Variants in AGBL3 observed in about 807,000 individuals in gnomAD.
AGBL3 encodes cytosolic carboxypeptidase 3.
AGBL3 carries 68 observed loss-of-function variants against 94.5 expected under a neutral mutation model. That is an observed-to-expected ratio of 0.72 (90% CI 0.59 to 0.88). The LOEUF (loss-of-function observed/expected upper bound fraction) is 0.88, where lower values mean the gene tolerates loss of function less well. Among genes scored for constraint, AGBL3 ranks in the 40% least tolerant of loss-of-function variants. The pLI, the probability that AGBL3 is intolerant of heterozygous loss-of-function variation, is 0.00. For missense variants in AGBL3, 934 were observed against 1,103.8 expected (o/e 0.85, Z 2.18); for synonymous variants, 354 against 370.7 (o/e 0.95, Z 0.52).
intron 5 of AGBL3, among the ~76,000 whole-genome samples, chr7:135,032,582 T>C (rs1007397380): frequency 6.6e-6 from 1 of 151,714 alleles, no homozygotes; most frequent in Admixed American, 6.6e-5. Context: ...CTTCCCAAAG[T>C]GTTAGGATTA....
intron 11 of AGBL3, among the ~76,000 whole-genome samples, chr7:135,056,182 AT>A (rs995092696): frequency 2.2e-4 from 34 of 151,980 alleles, no homozygotes; most frequent in African/African-American, 7.5e-4. Flanking sequence ...GGATTTATCT[AT>A]TTTATTGATC....
At chr7:135,013,638 T>C (rs1201635619) in intron 4 of AGBL3, among the ~76,000 whole-genome samples, 3 of 151,700 alleles carry the variant, frequency 2.0e-5, no homozygotes, top group African/African-American at 7.3e-5. Flanking sequence ...TCCACTGTAT[T>C]TGATTAAGTC....
chr7:134,996,448 C>T (rs1385183727), intron 4 of AGBL3, among the ~76,000 whole-genome samples: 2 of 151,872 alleles, frequency 1.3e-5, no homozygotes, highest in Non-Finnish European at 2.9e-5. Context: ...ATTAATCTTA[C>T]TGTTCTTATC....
chr7:135,115,777 G>A (rs1016010027), intron 16 of AGBL3, 166 bp downstream of exon 16: 1 of 562,762 alleles, frequency 1.8e-6, no homozygotes, highest in Non-Finnish European at 3.1e-6. Context: ...AGAAAACACT[G>A]GATAAATGAA....
At chr7:134,990,851 G>C (rs1044406484) in intron 3 of AGBL3, among the ~76,000 whole-genome samples, 1 of 152,122 alleles carries the variant, frequency 6.6e-6, no homozygotes, top group African/African-American at 2.4e-5. Flanking sequence ...GTTAACATTT[G>C]TTGATTGCCT....
chr7:135,042,161 T>A (rs1816914569), intron 8 of AGBL3, among the ~76,000 whole-genome samples: 2 of 152,160 alleles, frequency 1.3e-5, no homozygotes, highest in Non-Finnish European at 2.9e-5. Flanking sequence ...AGCAATCTCA[T>A]TCCTAGGTAT....
At chr7:134,990,821 A>C (rs1012911729) in intron 3 of AGBL3, among the ~76,000 whole-genome samples, 2 of 152,192 alleles carry the variant, frequency 1.3e-5, no homozygotes, top group Admixed American at 1.3e-4. Context: ...TGATAGTTTT[A>C]ACATCTGGGT....
At position 134,987,975 on chromosome 7, in the gene AGBL3, A is replaced by T. The variant is rs1179308321; in HGVS notation, c.42A>T (p.Thr14=). 6.5e-7 allele frequency: 1 copy of T among 1,546,186 alleles called. No individual in the cohort carries two copies. The highest frequency in any genetic ancestry group is 1.4e-5 in the African/African-American group (1 of 72,896). ...AAAAGGAAGACTATTCAGACAGAAC[A>T]ATCAGTGATGAAGATGAATCGGTAT... is the stretch of plus-strand genomic sequence containing the variant. ...DSEKEDYSDR[T]ISDEDESDED... The change falls in exon 2 of 17, where the codon ACA becomes ACT. Residue 14 remains threonine, a synonymous_variant. Coordinates refer to ENST00000436302, the MANE Select transcript of AGBL3 (RefSeq NM_178563.4).
chr7:135,063,503 G>A (rs538886434), intron 12 of AGBL3, among the ~76,000 whole-genome samples: 5 of 151,822 alleles, frequency 3.3e-5, no homozygotes, highest in African/African-American at 1.2e-4. Flanking sequence ...TTTGATGTAG[G>A]TGTTTATTGA....
intron 4 of AGBL3, among the ~76,000 whole-genome samples, chr7:135,006,810 A>AT (rs1318681109): frequency 6.6e-6 from 1 of 151,918 alleles, no homozygotes; most frequent in East Asian, 1.9e-4. Context: ...AGGCTTGAAT[A>AT]TTACCAACTT....
At chr7:135,081,471 T>C (rs889837523) in intron 14 of AGBL3, among the ~76,000 whole-genome samples, 23 of 152,260 alleles carry the variant, frequency 1.5e-4, no homozygotes, top group Non-Finnish European at 3.1e-4. Context: ...TAACTGTCTA[T>C]TTGTGTGTTT....
chr7:135,008,816 T>A (rs1812736507), intron 4 of AGBL3, among the ~76,000 whole-genome samples: 1 of 152,138 alleles, frequency 6.6e-6, no homozygotes, highest in African/African-American at 2.4e-5. Context: ...TTTTAAAGTG[T>A]GCAAAGGATC....
intron 5 of AGBL3, among the ~76,000 whole-genome samples, chr7:135,021,437 G>A (rs1230816282): frequency 1.8e-4 from 28 of 151,534 alleles, no homozygotes; most frequent in South Asian, 1.5e-3. Flanking sequence ...GACTACAGGC[G>A]CCCACCACCA....
chr7:134,993,512 C>T lies in AGBL3; in HGVS notation c.144C>T (p.Pro48=). 1 of 1,547,606 alleles carries T rather than the reference C, an allele frequency of 6.5e-7. No individual in the cohort carries two copies. The highest frequency in any genetic ancestry group is 8.7e-7 in the Non-Finnish European group (1 of 1,145,522). Residue 48 remains proline, a synonymous_variant, in exon 4 of 17, where the codon CCC becomes CCT. Transcript: ENST00000436302. The part of the protein sequence containing the change: ...ALLTADSFGD[P]FFPRTTQILL... The stretch of plus-strand genomic sequence containing the variant: ...TCTCAGCTGACTCTTTTGGTGATCC[C>T]TTCTTCCCCCGGACTACACAGATAC...
chr7:135,045,923 C>T lies in AGBL3; in HGVS notation c.1841+12C>T, dbSNP rs367811717. On this transcript the variant is annotated intron_variant, in intron 11 of 16. Transcript: ENST00000436302. Reference sequence around the variant, plus strand: ...GATGTAGAGTCTAGGTAACTCAAGGCTGCTGAAGTAATGCAATTTGTTGTG... The same window carrying T: ...GATGTAGAGTCTAGGTAACTCAAGGTTGCTGAAGTAATGCAATTTGTTGTG... 6.3e-5 allele frequency: 92 copies of T among 1,462,472 alleles called. 1 individual carries two copies. The East Asian group carries it at 2.2e-3, about 35-fold the overall frequency. 90.6% of individuals were successfully genotyped at this position (1,462,472 alleles called of 1,614,324 possible). A position where few individuals can be genotyped will look rare whatever the true frequency, so the allele number is the denominator to read the frequency against.
chr7:135,067,714 A>G (rs891595401), intron 12 of AGBL3, among the ~76,000 whole-genome samples: 6 of 152,244 alleles, frequency 3.9e-5, no homozygotes, highest in Admixed American at 2.6e-4. Context: ...AACAGAAAGG[A>G]CATCCACACC....
At chr7:135,017,215 C>A in intron 5 of AGBL3, 56 bp downstream of exon 5, 1 of 1,233,732 alleles carries the variant, frequency 8.1e-7, no homozygotes, top group Non-Finnish European at 1.2e-6. Flanking sequence ...TTAGGTTAAT[C>A]TCTTAATTAT....
intron 15 of AGBL3, among the ~76,000 whole-genome samples, chr7:135,099,639 A>C (rs908688155): frequency 6.6e-6 from 1 of 152,044 alleles, no homozygotes; most frequent in Non-Finnish European, 1.5e-5. Context: ...GTCTTATAAG[A>C]TTTTGATTTT....
chr7:135,076,772 G>T (rs1326648366), intron 13 of AGBL3, among the ~76,000 whole-genome samples: 1 of 139,552 alleles, frequency 7.2e-6, no homozygotes, highest in Non-Finnish European at 1.6e-5. Flanking sequence ...AAAATTAACT[G>T]GGAATATAAG....
Sources: gnomAD v4.1 joint callset for allele counts (sites outside exome capture counted in the v4.1 genomes callset) on GRCh38, gnomAD v4.1.1 for gene constraint, MANE v1.5 for transcripts, NCBI Gene and HGNC (gene_info 2026-07-23, HGNC 2026-07-21) for gene names.